Variants in DPYD observed in about 807,000 individuals in gnomAD.
DPYD encodes the protein dihydropyrimidine dehydrogenase [NADP(+)].
Under a neutral mutation model 116.2 loss-of-function variants are expected in DPYD, and 109 were observed. The observed-to-expected ratio is 0.94, with a 90% CI of 0.80 to 1.10. The LOEUF is 1.10. Ranked by LOEUF, DPYD falls within the 50% of genes least tolerant of loss-of-function variation. The probability of loss-of-function intolerance (pLI) is 0.00; values close to 1 mark genes in which losing one functional copy is unlikely to be tolerated. For synonymous variants in DPYD, 440 were observed against 432.0 expected, an observed-to-expected ratio of 1.02 and a Z score of -0.23; for missense variants, 1,302 against 1,254.5, an observed-to-expected ratio of 1.04 and a Z score of -0.57.
intron 4 of DPYD, among the ~76,000 whole-genome samples, chr1:97,725,389 C>G (rs1196495111): frequency 2.0e-5 from 3 of 151,494 alleles, no homozygotes; most frequent in African/African-American, 7.3e-5. Context: ...CCAAATTTAT[C>G]TAAAATTTCA....
intron 20 of DPYD, among the ~76,000 whole-genome samples, chr1:97,150,455 C>G (rs1011518906): frequency 6.6e-6 from 1 of 152,028 alleles, no homozygotes; most frequent in Admixed American, 6.6e-5. Flanking sequence ...TTCAAATGTT[C>G]AAGAACATTT....
chr1:97,630,588 G>A (rs977461554), intron 8 of DPYD, among the ~76,000 whole-genome samples: 3 of 152,106 alleles, frequency 2.0e-5, no homozygotes, highest in African/African-American at 4.8e-5. Flanking sequence ...TTTGGAGAAA[G>A]TGTTGGCTTA....
intron 8 of DPYD, among the ~76,000 whole-genome samples, chr1:97,658,539 C>A (rs752225579): frequency 6.6e-6 from 1 of 152,092 alleles, no homozygotes; most frequent in Admixed American, 6.5e-5. Context: ...CATTAAAGTT[C>A]CTGATATTAA....
Position 97,204,680 on chromosome 1 carries a change from C to T in DPYD, c.2443-11432G>A, listed in dbSNP as rs1246654502. On this transcript the variant is annotated intron_variant, in intron 19 of 22. Coordinates refer to ENST00000370192, the MANE Select transcript of DPYD (RefSeq NM_000110.4). ...CCTGTACCACTAGGATCTGTGATTC[C>T]CTTACTCAGAGGGTTTTTTTCATTC... Among the ~76,000 whole-genome samples the T allele has an allele frequency of 2.6e-5, 4 of 152,046 alleles. No individual in the cohort carries two copies. In the South Asian group the frequency reaches 8.3e-4, roughly 32 times the overall value.
intron 18 of DPYD, among the ~76,000 whole-genome samples, chr1:97,235,712 T>C (rs2100751927): frequency 6.6e-6 from 1 of 152,236 alleles, no homozygotes; most frequent in East Asian, 1.9e-4. Flanking sequence ...CATACAGCTA[T>C]GTTATGTTTC....
At chr1:97,491,210 T>G (rs1464821175) in intron 13 of DPYD, among the ~76,000 whole-genome samples, 1 of 147,886 alleles carries the variant, frequency 6.8e-6, no homozygotes, top group Non-Finnish European at 1.5e-5. Flanking sequence ...TAGTATATTA[T>G]TATATATTTG....
chr1:97,263,891 T>G (rs1570787908), intron 18 of DPYD, among the ~76,000 whole-genome samples: 1 of 152,062 alleles, frequency 6.6e-6, no homozygotes, highest in Non-Finnish European at 1.5e-5. Flanking sequence ...GTTAAACACA[T>G]ACTTCAGATA....
chr1:97,597,685 G>A (rs1483530113), intron 8 of DPYD, among the ~76,000 whole-genome samples: 1 of 152,192 alleles, frequency 6.6e-6, no homozygotes, highest in African/African-American at 2.4e-5. Flanking sequence ...GAACAAAATT[G>A]TGGTTTCCCT....
At chr1:97,499,733 C>T (rs905613894) in intron 13 of DPYD, among the ~76,000 whole-genome samples, 1 of 151,800 alleles carries the variant, frequency 6.6e-6, no homozygotes, top group East Asian at 1.9e-4. Flanking sequence ...TTAATTTAGG[C>T]CTTCTTATCT....
chr1:97,848,676 G>C (rs1360233884), intron 2 of DPYD, among the ~76,000 whole-genome samples: 1 of 152,108 alleles, frequency 6.6e-6, no homozygotes, highest in African/African-American at 2.4e-5. Flanking sequence ...ACTTATAAAG[G>C]AAAGATTATG....
chr1:97,613,010 TTAC>T (rs1656046590), intron 8 of DPYD, among the ~76,000 whole-genome samples: 1 of 152,056 alleles, frequency 6.6e-6, no homozygotes, highest in Admixed American at 6.6e-5. Flanking sequence ...CACATTTTTA[TTAC>T]TACCCTAAAA....
chr1:97,214,803 T>C lies in DPYD; in HGVS notation c.2442+20049A>G, dbSNP rs146798802. Among the ~76,000 whole-genome samples the C allele has an allele frequency of 2.0e-5, 3 of 152,358 alleles. No individual in the cohort carries two copies. In the East Asian group the frequency reaches 5.8e-4, roughly 29 times the overall value. On this transcript the variant is annotated intron_variant, in intron 19 of 22. Coordinates refer to ENST00000370192, the MANE Select transcript of DPYD (RefSeq NM_000110.4). Reference sequence around the variant, plus strand: ...TGTCTCACTGAAGCTTGTGAAGCAGTGGCTAACTCAGTAATGCATTACCTT... The same window carrying C: ...TGTCTCACTGAAGCTTGTGAAGCAGCGGCTAACTCAGTAATGCATTACCTT...
chr1:97,261,320 A>G (rs1051443780), intron 18 of DPYD, among the ~76,000 whole-genome samples: 2 of 151,960 alleles, frequency 1.3e-5, no homozygotes, highest in African/African-American at 4.8e-5. Context: ...AGAATACATT[A>G]TTTTTATGAC....
At chr1:97,473,004 T>C (rs772429816) in intron 13 of DPYD, among the ~76,000 whole-genome samples, 2 of 152,198 alleles carry the variant, frequency 1.3e-5, no homozygotes, top group Non-Finnish European at 2.9e-5. Context: ...CTACTCCTTT[T>C]ACAAATTTCA....
chr1:97,581,147 TGCAACA>T (rs1452535163), intron 10 of DPYD, among the ~76,000 whole-genome samples: 7 of 140,360 alleles, frequency 5.0e-5, no homozygotes, highest in African/African-American at 1.8e-4. Flanking sequence ...CTATTAAAAA[TGCAACA>T]ACAACAACAA....
rs1377283936 is a variant in DPYD, at chr1:97,108,916, G to A, written c.2623-10284C>T. ...TATAGATACACATGTGGATGCATTT[G>A]GTACATATTAGAGTTTTAGGATTTG... On this transcript the variant is annotated intron_variant, in intron 20 of 22. Transcript: ENST00000370192. Among the ~76,000 whole-genome samples the A allele has an allele frequency of 1.3e-4, 20 of 152,166 alleles. 1 individual carries two copies. Among genetic ancestry groups the A allele is most frequent in the Middle Eastern group, 3.4e-3 (1 of 294 alleles).
chr1:97,648,078 G>A (rs758126690), intron 8 of DPYD, among the ~76,000 whole-genome samples: 1 of 152,038 alleles, frequency 6.6e-6, no homozygotes, highest in African/African-American at 2.4e-5. Flanking sequence ...TAAGCCTACT[G>A]AATGTCAAGT....
At position 97,191,198 on chromosome 1, in the gene DPYD, T is replaced by C. The variant is rs58372929; in HGVS notation, c.2622+1871A>G. On this transcript the variant is annotated intron_variant, in intron 20 of 22. Transcript: ENST00000370192. ...AGTATAATAAAAAATATAAACATAA[T>C]AAAAAGAAAAATAAAAAAATTATAG... 1.1e-3 allele frequency among the ~76,000 whole-genome samples: 170 copies of C among 151,124 alleles called. 1 individual carries two copies. The highest frequency in any genetic ancestry group is 3.9e-3 in the African/African-American group (162 of 41,208).
intron 18 of DPYD, among the ~76,000 whole-genome samples, chr1:97,296,606 T>C (rs187849758): frequency 1.3e-5 from 2 of 152,248 alleles, no homozygotes; most frequent in East Asian, 3.9e-4. Flanking sequence ...TTTGATAAAG[T>C]ATAAATTATA....
Sources: allele counts gnomAD v4.1 joint callset (sites outside exome capture counted in the v4.1 genomes callset), GRCh38; gene constraint gnomAD v4.1.1; transcripts MANE v1.5; gene names NCBI Gene and HGNC (gene_info 2026-07-23, HGNC 2026-07-21).